MGA: variants seen among roughly 807,000 people sequenced by gnomAD.
MGA encodes the protein MAX gene-associated protein.
MGA carries 40 observed loss-of-function variants against 261.1 expected under a neutral mutation model. That is an observed-to-expected ratio of 0.15 (90% CI 0.12 to 0.20). The LOEUF is 0.20. Among genes scored for constraint, MGA ranks in the 10% least tolerant of loss-of-function variants. MGA has a pLI of 1.00. For synonymous variants in MGA, 1,302 were observed against 1,290.6 expected, an observed-to-expected ratio of 1.01 and a Z score of -0.19; for missense variants, 3,397 against 3,630.5, an observed-to-expected ratio of 0.94 and a Z score of 1.65.
Position 41,766,399 on chromosome 15 carries a change from T to G in MGA, c.8317T>G (p.Ser2773Ala), listed in dbSNP as rs1005398392. The change falls in exon 24 of 24, where the codon TCT becomes GCT. Residue 2773 changes from serine (S) to alanine (A), a missense_variant. Physicochemically the swap from Ser to Ala is moderately conservative, Grantham distance 99. Around this residue, in one of 9 missense-constraint regions of MGA, gnomAD observed 647 missense variants for 642.4 expected, o/e 1.01. Transcript: ENST00000219905. ...AGGGGAGAGAGTGAAGTCAAAGGAT[T>G]CTTCATTTCATAAATTAAAGATGAA... 1.4e-5 allele frequency: 22 copies of G among 1,613,728 alleles called. No individual in the cohort carries two copies. The highest frequency in any genetic ancestry group is 1.8e-5 in the Non-Finnish European group (21 of 1,179,802).
rs760330196 is a variant in MGA at position 41,760,575 on chromosome 15, C to G, written c.7398+46C>G. 5 of 1,573,840 alleles carry G rather than the reference C, an allele frequency of 3.2e-6. No individual in the cohort carries two copies. In the African/African-American group the frequency reaches 5.4e-5, roughly 17 times the overall value. ...ACAGTAAGAGCTTGACTAAGAGATT[C>G]TTACCGATGATATGAGAAAGATAAT... On this transcript the variant is annotated intron_variant, in intron 20 of 23. Coordinates refer to ENST00000219905, the MANE Select transcript of MGA (RefSeq NM_001164273.2).
At chr15:41,745,001 C>T (rs567847525) in intron 15 of MGA, among the ~76,000 whole-genome samples, 3 of 152,292 alleles carry the variant, frequency 2.0e-5, no homozygotes, top group African/African-American at 7.2e-5. Context: ...GCCTCAGCCT[C>T]CCGAGTAGCT....
At chr15:41,688,368 C>A (rs2151187390) in intron 2 of MGA, among the ~76,000 whole-genome samples, 1 of 152,266 alleles carries the variant, frequency 6.6e-6, no homozygotes, top group South Asian at 2.1e-4. Flanking sequence ...CCGTGCCCAG[C>A]CTAAAACTCC....
Position 41,729,256 on chromosome 15 carries a change from C to T in MGA, c.3750C>T (p.Asp1250=), listed in dbSNP as rs1326154118. 26 of 1,613,770 alleles carry T rather than the reference C, an allele frequency of 1.6e-5. No individual in the cohort carries two copies. Among genetic ancestry groups the T allele is most frequent in the Non-Finnish European group, 1.9e-5 (22 of 1,179,800 alleles). The change falls in exon 11 of 24, where the codon GAC becomes GAT. Residue 1250 remains aspartate, a synonymous_variant. Coordinates refer to ENST00000219905, the MANE Select transcript of MGA (RefSeq NM_001164273.2). ...GAGTATATGAGCGAAAAAAAGAGGACCAGAGACAACCATCTTCCTCCTCCT... is the reference window on the plus strand; with the variant it reads ...GAGTATATGAGCGAAAAAAAGAGGATCAGAGACAACCATCTTCCTCCTCCT...
chr15:41,707,191 T>C (rs2060165852), intron 5 of MGA, among the ~76,000 whole-genome samples: 1 of 152,180 alleles, frequency 6.6e-6, no homozygotes, highest in Admixed American at 6.5e-5. Flanking sequence ...ACTTAGCAAC[T>C]TAAAACGATA....
Position 41,762,461 on chromosome 15 carries a change from G to GTTTTTTT in MGA, c.7744+123_7744+129dup, listed in dbSNP as rs34069193. ...TTGTCCACATTTTTAGTTTTGTGTG[G>GTTTTTTT]TTTTTTTTTTTTTTTTTTTTTTTTT... On this transcript the variant is annotated intron_variant, in intron 22 of 23. Coordinates refer to ENST00000219905, the MANE Select transcript of MGA (RefSeq NM_001164273.2). The GTTTTTTT allele has an allele frequency of 8.9e-3, 1,227 of 138,194 alleles. 158 individuals carry two copies. The highest frequency in any genetic ancestry group is 0.02 in the African/African-American group (309 of 15,426). 8.6% of individuals were successfully genotyped at this position (138,194 alleles called of 1,614,324 possible).
intron 2 of MGA, among the ~76,000 whole-genome samples, chr15:41,694,987 A>G (rs1384118903): frequency 2.6e-5 from 4 of 152,298 alleles, no homozygotes; most frequent in East Asian, 3.9e-4. Context: ...AAAAATGCCC[A>G]CAATCCTTTG....
At position 41,699,254 on chromosome 15, in the gene MGA, TTC is replaced by T. The variant is rs370080919; in HGVS notation, c.2188+97_2188+98del. ...TCCTCTCTCTTTCTCATCTCTTTTT[TTC>T]TGTTTTTTCCTCTTTCTTTCTAGCC... On this transcript the variant is annotated intron_variant, in intron 5 of 23. Transcript: ENST00000219905. 78 of 814,348 alleles carry T rather than the reference TTC, an allele frequency of 9.6e-5. 1 individual carries two copies. Among genetic ancestry groups the T allele is most frequent in the Middle Eastern group, 2.9e-4 (1 of 3,416 alleles). The allele number at this position is 814,348 out of a possible 1,614,324, so 50.4% of individuals were successfully genotyped here.
chr15:41,702,578 G>A (rs183738402), intron 5 of MGA, among the ~76,000 whole-genome samples: 43 of 152,242 alleles, frequency 2.8e-4, no homozygotes, highest in Admixed American at 2.5e-3. Context: ...GAAAACCCTT[G>A]AAAAACTAGA....
At chr15:41,657,736 T>C (rs1029614176), upstream of MGA, among the ~76,000 whole-genome samples, 8 of 152,188 alleles carry the variant, frequency 5.3e-5, no homozygotes, top group African/African-American at 1.9e-4. Flanking sequence ...TAGCCCTTAT[T>C]TTATGAATGT....
chr15:41,653,257 T>C (rs1170927769), intron 1 of MGA, among the ~76,000 whole-genome samples: 2 of 151,488 alleles, frequency 1.3e-5, no homozygotes, highest in Non-Finnish European at 2.9e-5. Flanking sequence ...TAATCTCAGC[T>C]ACTGGAGAGG....
chr15:41,642,458 C>T (rs1034065481), intron 1 of MGA, among the ~76,000 whole-genome samples: 3 of 150,574 alleles, frequency 2.0e-5, no homozygotes, highest in African/African-American at 4.9e-5. Context: ...TACAGGTGCC[C>T]GCCACTACTC....
intron 1 of MGA, among the ~76,000 whole-genome samples, chr15:41,660,909 G>C (rs1350117491): frequency 2.0e-5 from 3 of 152,200 alleles, no homozygotes; most frequent in Non-Finnish European, 4.4e-5. Flanking sequence ...CCCGGCGCCG[G>C]GCTCTAGGTC....
chr15:41,718,501 A>G, intron 9 of MGA: 1 of 607,934 alleles, frequency 1.6e-6, no homozygotes, highest in Non-Finnish European at 3.0e-6. Flanking sequence ...TCAATCTTGC[A>G]CTGCTCTGTA....
chr15:41,727,280 T>C lies in MGA; in HGVS notation c.3531T>C (p.Pro1177=), dbSNP rs1467402774. Residue 1177 remains proline, a synonymous_variant, in exon 10 of 24, where the codon CCT becomes CCC. Coordinates refer to ENST00000219905, the MANE Select transcript of MGA (RefSeq NM_001164273.2). ...CAGAACCAGTTTATATCCCCACGCC[T>C]TCTGTCATTGAGCCTATGAAACCAT... 1.2e-6 allele frequency: 2 copies of C among 1,613,966 alleles called. No homozygotes were observed. Among genetic ancestry groups the C allele is most frequent in the Admixed American group, 3.3e-5 (2 of 60,018 alleles).
chr15:41,707,789 A>G lies in MGA; in HGVS notation c.2250A>G (p.Val750=), dbSNP rs547471520. ...GCATTGATCTTAAATACTTGGGAGT[A>G]CAGTTACCTTTGGCTCCAGCTACTA... Residue 750 remains valine, a synonymous_variant, in exon 6 of 24, where the codon GTA becomes GTG. Coordinates refer to ENST00000219905, the MANE Select transcript of MGA (RefSeq NM_001164273.2). 3.7e-6 allele frequency: 6 copies of G among 1,613,802 alleles called. No individual in the cohort carries two copies. In the East Asian group the frequency reaches 1.3e-4, roughly 36 times the overall value.
At chr15:41,722,635 T>C (rs1157290590) in intron 9 of MGA, among the ~76,000 whole-genome samples, 5 of 152,220 alleles carry the variant, frequency 3.3e-5, no homozygotes, top group Admixed American at 3.3e-4. Context: ...TATTGAGCTG[T>C]ATACTGTTTA....
intron 1 of MGA, among the ~76,000 whole-genome samples, chr15:41,625,350 G>A (rs1049869630): frequency 6.6e-6 from 1 of 151,696 alleles, no homozygotes; most frequent in Non-Finnish European, 1.5e-5. Context: ...TTAAGTTTAG[G>A]AGATCCAGTA....
chr15:41,736,083 G>T (rs898014021), intron 12 of MGA, 98 bp from the exon 13 acceptor site: 2 of 1,069,306 alleles, frequency 1.9e-6, no homozygotes, highest in African/African-American at 3.2e-5. Context: ...GTGAAAGAAC[G>T]TGAGAATGTG....
Sources: gnomAD v4.1 joint callset for allele counts (sites outside exome capture counted in the v4.1 genomes callset) on GRCh38, gnomAD v4.1.1 for gene constraint, gnomAD v4.1.1 regional missense constraint, MANE v1.5 for transcripts, NCBI Gene and HGNC (gene_info 2026-07-23, HGNC 2026-07-21) for gene names.